The following FASTKD1 variants were observed in gnomAD, a reference collection of about 807,000 sequenced individuals.
The protein encoded by FASTKD1 is FAST kinase domain-containing protein 1, mitochondrial.
FASTKD1 carries 94 observed loss-of-function variants against 90.9 expected under a neutral mutation model. The observed-to-expected ratio is 1.03, with a 90% CI of 0.88 to 1.23. The LOEUF (loss-of-function observed/expected upper bound fraction) is 1.23. FASTKD1 is among the 50% of genes most tolerant of loss of function. FASTKD1 has a pLI of 0.00. For missense variants in FASTKD1, 945 were observed against 993.5 expected (o/e 0.95, Z 0.66); for synonymous variants, 319 against 345.8 (o/e 0.92, Z 0.86).
At chr2:169,548,503 G>A (rs1028205832) in intron 7 of FASTKD1, among the ~76,000 whole-genome samples, 14 of 138,590 alleles carry the variant, frequency 1.0e-4, no homozygotes, top group African/African-American at 3.0e-4. Flanking sequence ...AGGCCAAGGC[G>A]GGGGATAGCT....
chr2:169,551,462 T>A (rs910314473), intron 7 of FASTKD1, among the ~76,000 whole-genome samples: 2 of 152,048 alleles, frequency 1.3e-5, no homozygotes, highest in Non-Finnish European at 1.5e-5. Flanking sequence ...CATAAACAAA[T>A]CTCATAAACT....
At chr2:169,565,473 A>C (rs1683931689) in intron 3 of FASTKD1, among the ~76,000 whole-genome samples, 1 of 151,290 alleles carries the variant, frequency 6.6e-6, no homozygotes, top group Admixed American at 6.6e-5. Context: ...CTTGTTAGCC[A>C]GGATGGTCTC....
chr2:169,570,147 C>T (rs1258503541), intron 2 of FASTKD1, among the ~76,000 whole-genome samples: 1 of 152,040 alleles, frequency 6.6e-6, no homozygotes, highest in Non-Finnish European at 1.5e-5. Flanking sequence ...TTTAAATAAC[C>T]CCTGAAGGTT....
At chr2:169,530,980 A>C (rs1345355359) in intron 13 of FASTKD1, 2 of 669,950 alleles carry the variant, frequency 3.0e-6, no homozygotes, top group Admixed American at 1.8e-5. Flanking sequence ...AGGGGTACAA[A>C]TATGAAGCAA....
chr2:169,555,184 A>T lies in FASTKD1; in HGVS notation c.1154T>A (p.Leu385Ter), dbSNP rs571433531. 1.0e-4 allele frequency: 166 copies of T among 1,612,628 alleles called. 1 individual carries two copies. The South Asian group carries it at 1.7e-3, about 16-fold the overall frequency. Residue 385 changes from leucine (L) to a stop codon, truncating the protein, a stop_gained, in exon 7 of 15, where the codon TTA becomes TAA. Transcript: ENST00000453153. LOFTEE classifies it high-confidence loss of function. ...PLELLKITQELTFLHFQRKEF... is the reference protein window; with the variant it reads ...PLELLKITQE ...CTTCCTTTGGAAATGCAGAAAAGTT[A>T]ATTCTTGAGTTATCTTCAACAACTC...
chr2:169,556,447 AC>A (rs368550686), intron 6 of FASTKD1, among the ~76,000 whole-genome samples: 1 of 149,618 alleles, frequency 6.7e-6, no homozygotes, highest in African/African-American at 2.5e-5. Context: ...AAAAAAAAAA[AC>A]AAAAAAAAAA....
At chr2:169,561,952 T>TATTAATTTATTGTAAATTATTC (rs1683680528) in intron 4 of FASTKD1, among the ~76,000 whole-genome samples, 1 of 121,200 alleles carries the variant, frequency 8.3e-6, no homozygotes, top group African/African-American at 3.1e-5. Context: ...ATAAATTAAT[T>TATTAATTTATTGTAAATTATTC]ATTAATTTAT....
intron 12 of FASTKD1, among the ~76,000 whole-genome samples, chr2:169,534,803 G>A (rs1377576406): frequency 6.6e-6 from 1 of 151,720 alleles, no homozygotes; most frequent in East Asian, 1.9e-4. Context: ...GTATTTTGTT[G>A]TAGCAGCAGA....
chr2:169,547,624 G>A lies in FASTKD1; in HGVS notation c.1215-920C>T, dbSNP rs1484179411. Among the ~76,000 whole-genome samples, 45 of 151,962 alleles carry A rather than the reference G, an allele frequency of 3.0e-4. 1 individual carries two copies. Among genetic ancestry groups the A allele is most frequent in the Admixed American group, 2.8e-3 (42 of 15,254 alleles). ...AAGAAGAGTTAGATAGGCCAGGCAC[G>A]GTGGCTCATGTCTGTAATCCCAGCA... On this transcript the variant is annotated intron_variant, in intron 7 of 14. Coordinates refer to ENST00000453153, the MANE Select transcript of FASTKD1 (RefSeq NM_024622.6).
intron 7 of FASTKD1, among the ~76,000 whole-genome samples, chr2:169,548,926 C>T (rs2105371230): frequency 6.6e-6 from 1 of 151,358 alleles, no homozygotes; most frequent in East Asian, 2.0e-4. Context: ...AACACCGTCT[C>T]TACTAAAAAT....
At chr2:169,534,402 G>C (rs995886349) in intron 12 of FASTKD1, among the ~76,000 whole-genome samples, 2 of 150,412 alleles carry the variant, frequency 1.3e-5, no homozygotes, top group East Asian at 3.9e-4. Flanking sequence ...TTGGTATCTC[G>C]AGCTTGGACT....
At chr2:169,562,964 T>C (rs998610472) in intron 4 of FASTKD1, among the ~76,000 whole-genome samples, 1 of 152,124 alleles carries the variant, frequency 6.6e-6, no homozygotes, top group South Asian at 2.1e-4. Context: ...GCAGGCAAAC[T>C]TAGCTTGCAA....
intron 9 of FASTKD1, among the ~76,000 whole-genome samples, chr2:169,541,800 G>C (rs538319268): frequency 1.3e-5 from 2 of 152,216 alleles, no homozygotes; most frequent in Admixed American, 6.5e-5. Context: ...AGAGCAAAAA[G>C]ATCTGAGGAA....
chr2:169,557,205 T>C lies in FASTKD1; in HGVS notation c.1064A>G (p.Asn355Ser), dbSNP rs1320196847. The C allele has an allele frequency of 3.1e-6, 5 of 1,609,586 alleles. No homozygotes were observed. In the South Asian group the frequency reaches 3.3e-5, roughly 11 times the overall value. ...LGAMGDMESRNSCLIKRVTSV... is the reference protein window; with the variant it reads ...LGAMGDMESRSSCLIKRVTSV... The stretch of plus-strand genomic sequence containing the variant: ...AAGATACCTTTTAATCAGACATGAG[T>C]TTCTGCTTTCCATATCTCCCATTGC... Residue 355 changes from asparagine (N) to serine (S), a missense_variant, in exon 6 of 15, where the codon AAC becomes AGC. By Grantham distance (46) the Asn-to-Ser change is conservative. Transcript: ENST00000453153.
chr2:169,572,777 AAT>A (rs1219648587), intron 1 of FASTKD1, among the ~76,000 whole-genome samples: 2 of 152,190 alleles, frequency 1.3e-5, no homozygotes. Context: ...GAAATTAAGT[AAT>A]GTTTCAAGTC....
intron 7 of FASTKD1, 96 bp downstream of exon 7, chr2:169,555,028 C>A: frequency 8.7e-7 from 1 of 1,148,192 alleles, no homozygotes; most frequent in Admixed American, 2.8e-5. Flanking sequence ...CACAATTTTG[C>A]CTCCATAACT....
rs150347390 is a variant in FASTKD1 at position 169,555,516 on chromosome 2, T to C, written c.1083-261A>G. On this transcript the variant is annotated intron_variant, in intron 6 of 14. Transcript: ENST00000453153. ...CAAGAAGAGAAAAGCATAGTTTTTC[T>C]TCCTCAGTTAAACAAATCTCACACA... Among the ~76,000 whole-genome samples the C allele has an allele frequency of 2.4e-3, 363 of 152,352 alleles. 2 individuals carry two copies. Among genetic ancestry groups the C allele is most frequent in the African/African-American group, 8.1e-3 (338 of 41,590 alleles).
intron 12 of FASTKD1, among the ~76,000 whole-genome samples, chr2:169,535,655 C>T (rs1684695659): frequency 6.6e-6 from 1 of 152,008 alleles, no homozygotes; most frequent in South Asian, 2.1e-4. Flanking sequence ...TCCTGATTAA[C>T]ATAAAATCAA....
At position 169,555,246 on chromosome 2, in the gene FASTKD1, T is replaced by C; in HGVS notation, c.1092A>G (p.Ser364=). ...AGCCATCCAAATGTTTATGCAGAAC[T>C]GAAGTAACTCTAAAAAGGATAGAGC... ...RNSCLIKRVT[S]VLHKHLDGYK... The change falls in exon 7 of 15, where the codon TCA becomes TCG. Residue 364 remains serine, a synonymous_variant. Coordinates refer to ENST00000453153, the MANE Select transcript of FASTKD1 (RefSeq NM_024622.6). 1 of 1,607,416 alleles carries C rather than the reference T, an allele frequency of 6.2e-7. No individual in the cohort carries two copies. The highest frequency in any genetic ancestry group is 1.1e-5 in the South Asian group (1 of 90,384).
Sources: gnomAD v4.1 joint callset for allele counts (sites outside exome capture counted in the v4.1 genomes callset) on GRCh38, gnomAD v4.1.1 for gene constraint, MANE v1.5 for transcripts, NCBI Gene and HGNC (gene_info 2026-07-23, HGNC 2026-07-21) for gene names.